Variants in TAF4 observed in about 807,000 individuals in gnomAD.
TAF4 encodes transcription initiation factor TFIID subunit 4.
Under a neutral mutation model 90.3 loss-of-function variants are expected in TAF4, and 9 were observed. That is an observed-to-expected ratio of 0.10 (90% CI 0.06 to 0.17). TAF4 has a LOEUF of 0.17. Among genes scored for constraint, TAF4 ranks in the 10% least tolerant of loss-of-function variants. The probability of loss-of-function intolerance (pLI) is 1.00; values close to 1 mark genes in which losing one functional copy is unlikely to be tolerated. For missense variants in TAF4, 1,351 were observed against 1,370.7 expected, an observed-to-expected ratio of 0.99 and a Z score of 0.23; for synonymous variants, 818 against 638.9, an observed-to-expected ratio of 1.28 and a Z score of -4.23.
At position 62,006,489 on chromosome 20, in the gene TAF4, AG is replaced by A; in HGVS notation, c.2223+20del. ...AGAGGCACGGTGGGCTGTGCAGACC[AG>A]TCAGGCGCCCCTTCCATACCAGCGG... On this transcript the variant is annotated intron_variant, in intron 7 of 14. Coordinates refer to ENST00000252996, the MANE Select transcript of TAF4 (RefSeq NM_003185.4). This position sits in a 1 kb window ranked among gnomAD's most constrained non-coding sequence, Gnocchi z 7.0. The A allele has an allele frequency of 6.8e-7, 1 of 1,480,288 alleles. No individual in the cohort carries two copies. Among genetic ancestry groups the A allele is most frequent in the South Asian group, 1.3e-5 (1 of 74,894 alleles). The allele number at this position is 1,480,288 out of a possible 1,614,324, so 91.7% of individuals were successfully genotyped here. A position where few individuals can be genotyped will look rare whatever the true frequency, so the allele number is the denominator to read the frequency against.
At chr20:62,048,326 G>A (rs991260688) in intron 1 of TAF4, among the ~76,000 whole-genome samples, 1 of 152,164 alleles carries the variant, frequency 6.6e-6, no homozygotes, top group African/African-American at 2.4e-5. Flanking sequence ...AGGAAAGGAT[G>A]GGAGTTGTCA....
chr20:62,065,695 T>G lies in TAF4; in HGVS notation c.116A>C (p.His39Pro), dbSNP rs181023647. ...CGTGCGCGGCGCGAGGTGGTGGTGGTGGGCCGCGCTGGCCGCCAGCTGCGA... is the reference window on the plus strand; with the variant it reads ...CGTGCGCGGCGCGAGGTGGTGGTGGGGGGCCGCGCTGGCCGCCAGCTGCGA... ...LESQLAASAA[H>P]HHHLAPRTPE... The change falls in exon 1 of 15, where the codon CAC becomes CCC. Residue 39 changes from histidine to proline, a missense_variant. Transcript: ENST00000252996. The G allele has an allele frequency of 8.0e-7, 1 of 1,243,078 alleles. No homozygotes were observed. Among genetic ancestry groups the G allele is most frequent in the Non-Finnish European group, 1.0e-6 (1 of 974,286 alleles). 77.0% of individuals were successfully genotyped at this position (1,243,078 alleles called of 1,614,324 possible).
intron 1 of TAF4, among the ~76,000 whole-genome samples, chr20:62,029,387 A>T (rs1197355035): frequency 2.6e-5 from 4 of 152,114 alleles, no homozygotes; most frequent in Non-Finnish European, 5.9e-5. Context: ...GTAACAAGGT[A>T]AACAGTGGGA....
chr20:62,056,922 A>T (rs1372931285), intron 1 of TAF4, among the ~76,000 whole-genome samples: 1 of 152,218 alleles, frequency 6.6e-6, no homozygotes, highest in Non-Finnish European at 1.5e-5. Flanking sequence ...TGTTCCTGTC[A>T]TGATGCTTCT....
At position 62,003,888 on chromosome 20, in the gene TAF4, A is replaced by C. The variant is rs1216649513; in HGVS notation, c.2224-10T>G. 1.3e-6 allele frequency: 2 copies of C among 1,544,728 alleles called. No individual in the cohort carries two copies. Among genetic ancestry groups the C allele is most frequent in the Non-Finnish European group, 1.7e-6 (2 of 1,149,048 alleles). Reference sequence around the variant, plus strand: ...GAGGCTGCTGGATGACCTGAGGCAGAGCCAGCAGAGAATGGTGAGCATGCT... The same window carrying C: ...GAGGCTGCTGGATGACCTGAGGCAGCGCCAGCAGAGAATGGTGAGCATGCT... On this transcript the variant is annotated splice_polypyrimidine_tract_variant and intron_variant, in intron 7 of 14. Transcript: ENST00000252996.
intron 1 of TAF4, among the ~76,000 whole-genome samples, chr20:62,017,895 T>C (rs574215923): frequency 6.6e-6 from 1 of 150,966 alleles, no homozygotes; most frequent in East Asian, 1.9e-4. Context: ...AAAAAAAAAG[T>C]ATTAACAAAA....
intron 14 of TAF4, among the ~76,000 whole-genome samples, chr20:61,977,149 C>T (rs2055500439): frequency 6.7e-6 from 1 of 149,596 alleles, no homozygotes; most frequent in Admixed American, 6.6e-5. Context: ...GCGCCACACA[C>T]ACGACACCGC....
At chr20:61,982,622 C>T (rs113235166) in intron 14 of TAF4, among the ~76,000 whole-genome samples, 4 of 62,446 alleles carry the variant, frequency 6.4e-5, no homozygotes, top group Non-Finnish European at 1.1e-4. Flanking sequence ...CACACCCACC[C>T]GAGAGGAGAC....
intron 1 of TAF4, among the ~76,000 whole-genome samples, chr20:62,055,032 C>T (rs1188324342): frequency 1.3e-5 from 2 of 152,214 alleles, no homozygotes; most frequent in Admixed American, 6.5e-5. Flanking sequence ...CCACATTCCA[C>T]AGCTCAGACG....
At chr20:62,025,493 G>A (rs1286442817) in intron 1 of TAF4, among the ~76,000 whole-genome samples, 1 of 152,090 alleles carries the variant, frequency 6.6e-6, no homozygotes, top group African/African-American at 2.4e-5. Flanking sequence ...ACGTGTGGAG[G>A]GAGGGAAGTG....
intron 1 of TAF4, among the ~76,000 whole-genome samples, chr20:62,041,203 T>TG (rs370633025): frequency 2.0e-5 from 3 of 152,184 alleles, no homozygotes; most frequent in African/African-American, 7.2e-5. Flanking sequence ...GCAGACCCTC[T>TG]GGGGGGCTGA....
At chr20:62,043,836 T>C (rs886084752) in intron 1 of TAF4, among the ~76,000 whole-genome samples, 2 of 152,222 alleles carry the variant, frequency 1.3e-5, no homozygotes, top group East Asian at 1.9e-4. Context: ...CATTGCCTAA[T>C]GATGCGTTTC....
At chr20:62,026,600 G>A (rs1309906349) in intron 1 of TAF4, among the ~76,000 whole-genome samples, 1 of 152,190 alleles carries the variant, frequency 6.6e-6, no homozygotes, top group Non-Finnish European at 1.5e-5. Flanking sequence ...AAAGCCGCAG[G>A]TGGACAGACT....
intron 1 of TAF4, among the ~76,000 whole-genome samples, chr20:62,016,187 C>T (rs1288273170): frequency 1.3e-5 from 2 of 152,246 alleles, no homozygotes; most frequent in African/African-American, 4.8e-5. Flanking sequence ...CACTCTCACC[C>T]AAGCACACTC....
intron 1 of TAF4, among the ~76,000 whole-genome samples, chr20:62,030,717 T>C (rs1242419130): frequency 6.6e-6 from 1 of 152,246 alleles, no homozygotes; most frequent in Non-Finnish European, 1.5e-5. Flanking sequence ...CCAAAAACTT[T>C]ACTAAGTTGC....
intron 1 of TAF4, among the ~76,000 whole-genome samples, chr20:62,042,435 G>T (rs577268520): frequency 6.6e-6 from 1 of 152,360 alleles, no homozygotes; most frequent in South Asian, 2.1e-4. Flanking sequence ...CTCGGGTACC[G>T]AGAGGGCAGG....
intron 1 of TAF4, among the ~76,000 whole-genome samples, chr20:62,062,730 G>A (rs975401471): frequency 6.6e-6 from 1 of 152,162 alleles, no homozygotes; most frequent in Non-Finnish European, 1.5e-5. Flanking sequence ...GATAAACACA[G>A]CAGAGATGCC....
chr20:62,002,533 G>A (rs775382155), intron 9 of TAF4, among the ~76,000 whole-genome samples: 9 of 152,278 alleles, frequency 5.9e-5, no homozygotes, highest in Non-Finnish European at 8.8e-5. Context: ...CTCTGTCACC[G>A]ACGCTGGCGT....
chr20:61,999,727 C>T (rs1198205042), intron 11 of TAF4, among the ~76,000 whole-genome samples: 1 of 152,252 alleles, frequency 6.6e-6, no homozygotes, highest in Non-Finnish European at 1.5e-5. Flanking sequence ...AGGAGGATCA[C>T]TTGAGGCAAG....
Sources: allele counts gnomAD v4.1 joint callset (sites outside exome capture counted in the v4.1 genomes callset), GRCh38; gene constraint gnomAD v4.1.1; non-coding constraint Gnocchi (gnomAD v3.1); transcripts MANE v1.5; gene names NCBI Gene and HGNC (gene_info 2026-07-23, HGNC 2026-07-21).